ZNF892: variants seen among roughly 807,000 people sequenced by gnomAD.
ZNF892 encodes the protein zinc finger protein 892, also known as zinc finger protein 570-like.
At chr2:95,224,661 T>G in the ZNF892 span, among the ~76,000 whole-genome samples, 192 of 152,266 alleles carry the variant, frequency 1.3e-3, no homozygotes, top group African/African-American at 4.4e-3. Context: ...CCTCCAACAT[T>G]GAGGATTACA....
the ZNF892 span, among the ~76,000 whole-genome samples, chr2:95,230,025 A>G: frequency 1.3e-5 from 2 of 152,084 alleles, no homozygotes; most frequent in South Asian, 2.1e-4. Flanking sequence ...GTATATATAT[A>G]TATATACCAT....
the ZNF892 span, among the ~76,000 whole-genome samples, chr2:95,258,257 C>G: frequency 6.6e-6 from 1 of 152,210 alleles, no homozygotes; most frequent in Non-Finnish European, 1.5e-5. Flanking sequence ...TCACTCTTGT[C>G]ACTGTGAGAG....
the ZNF892 span, among the ~76,000 whole-genome samples, chr2:95,228,732 G>A: frequency 6.6e-6 from 1 of 152,080 alleles, no homozygotes; most frequent in African/African-American, 2.4e-5. Flanking sequence ...CTCATGAAAA[G>A]AGGAGCTTTC....
the ZNF892 span, among the ~76,000 whole-genome samples, chr2:95,255,418 G>T: frequency 6.6e-6 from 1 of 152,148 alleles, no homozygotes. Flanking sequence ...CTGACTTCTA[G>T]TTTGATTGCA....
At chr2:95,250,657 T>C in the ZNF892 span, among the ~76,000 whole-genome samples, 4,254 of 140,364 alleles carry the variant, frequency 0.03, 101 homozygotes, top group Non-Finnish European at 0.049. Flanking sequence ...AAACTATTCA[T>C]AAATTATAAA....
the ZNF892 span, among the ~76,000 whole-genome samples, chr2:95,250,618 CTATTCAT>C: frequency 6.9e-3 from 904 of 130,854 alleles, 12 homozygotes; most frequent in Middle Eastern, 0.016. Flanking sequence ...TAAATATAAA[CTATTCAT>C]AAATTATAAA....
At chr2:95,207,478 T>G in the ZNF892 span, 1 of 227,802 alleles carries the variant, frequency 4.4e-6, no homozygotes, top group Non-Finnish European at 8.5e-6. Flanking sequence ...GTGTTGGGAG[T>G]GAGGGCCGTC....
At chr2:95,251,690 G>A in the ZNF892 span, among the ~76,000 whole-genome samples, 9 of 152,356 alleles carry the variant, frequency 5.9e-5, no homozygotes, top group Non-Finnish European at 1.2e-4. Context: ...ACAGGCTGGC[G>A]CCTGATGGAA....
the ZNF892 span, chr2:95,215,607 C>G: frequency 1.7e-5 from 7 of 400,546 alleles, no homozygotes; most frequent in Non-Finnish European, 2.6e-5. Flanking sequence ...TGGATAAAGA[C>G]TATGTAAATG....
At chr2:95,245,114 A>G in the ZNF892 span, among the ~76,000 whole-genome samples, 1 of 152,248 alleles carries the variant, frequency 6.6e-6, no homozygotes, top group Admixed American at 6.5e-5. Context: ...ACATCCTAAC[A>G]TCGTAGCTAA....
At chr2:95,214,748 G>C in the ZNF892 span, 5 of 442,104 alleles carry the variant, frequency 1.1e-5, no homozygotes, top group Non-Finnish European at 1.6e-5. Context: ...CTTTTGTCTT[G>C]CATCAGAGAA....
At chr2:95,250,839 ATTAT>A in the ZNF892 span, among the ~76,000 whole-genome samples, 1 of 146,646 alleles carries the variant, frequency 6.8e-6, no homozygotes, top group Non-Finnish European at 1.5e-5. Flanking sequence ...ACAGTTATTT[ATTAT>A]TTATGTAATA....
At chr2:95,237,210 C>T in the ZNF892 span, among the ~76,000 whole-genome samples, 6 of 150,188 alleles carry the variant, frequency 4.0e-5, no homozygotes, top group South Asian at 2.1e-4. Flanking sequence ...TGCAGTGGCG[C>T]GATCACGGCT....
the ZNF892 span, among the ~76,000 whole-genome samples, chr2:95,231,311 A>G: frequency 1.3e-5 from 2 of 152,206 alleles, no homozygotes; most frequent in Non-Finnish European, 2.9e-5. Context: ...TACGTATTAC[A>G]TTATTTCATT....
the ZNF892 span, among the ~76,000 whole-genome samples, chr2:95,223,195 T>C: frequency 6.6e-6 from 1 of 152,206 alleles, no homozygotes; most frequent in African/African-American, 2.4e-5. Flanking sequence ...AAATTTATTC[T>C]TTTTCTAATT....
At chr2:95,212,578 T>G in the ZNF892 span, among the ~76,000 whole-genome samples, 1 of 152,252 alleles carries the variant, frequency 6.6e-6, no homozygotes, top group Non-Finnish European at 1.5e-5. Context: ...AAAGCAGGAT[T>G]TTTTACATGT....
the ZNF892 span, chr2:95,212,321 C>T: frequency 2.5e-6 from 1 of 398,252 alleles, no homozygotes; most frequent in African/African-American, 2.1e-5. Flanking sequence ...CCCAGATTGT[C>T]AATGCAAATG....
chr2:95,226,650 A>G, the ZNF892 span, among the ~76,000 whole-genome samples: 1 of 152,158 alleles, frequency 6.6e-6, no homozygotes, highest in African/African-American at 2.4e-5. Context: ...TTCCTGGACT[A>G]AGCAGGAAAC....
At chr2:95,243,055 T>A in the ZNF892 span, among the ~76,000 whole-genome samples, 7 of 152,340 alleles carry the variant, frequency 4.6e-5, no homozygotes, top group South Asian at 1.4e-3. Flanking sequence ...TTTCGATGTG[T>A]TGGCCAGGCT....
Sources: allele counts gnomAD v4.1 joint callset (sites outside exome capture counted in the v4.1 genomes callset), GRCh38; gene constraint gnomAD v4.1.1; transcripts MANE v1.5; gene names NCBI Gene and HGNC (gene_info 2026-07-23, HGNC 2026-07-21).